Variants in CCDC62 observed in about 807,000 individuals in gnomAD.
The protein encoded by CCDC62 is coiled-coil domain containing 62.
A neutral mutation model predicts 80.8 loss-of-function variants in CCDC62; 72 were observed. The observed-to-expected ratio is 0.89, with a 90% CI of 0.74 to 1.08. CCDC62 has a LOEUF of 1.08. CCDC62 is among the 50% of genes least tolerant of loss of function. CCDC62 has a pLI of 0.00. For synonymous variants in CCDC62, 286 were observed against 296.5 expected (o/e 0.96, Z 0.36); for missense variants, 704 against 809.4 (o/e 0.87, Z 1.58).
At chr12:122,822,138 CTT>C (rs1339057644) in intron 11 of CCDC62, among the ~76,000 whole-genome samples, 3 of 136,448 alleles carry the variant, frequency 2.2e-5, no homozygotes, top group African/African-American at 8.2e-5. Flanking sequence ...GAATGTCACT[CTT>C]GTCACCAAGC....
Position 122,801,118 on chromosome 12 carries a change from C to G in CCDC62, c.978-6C>G, listed in dbSNP as rs1255883916. 1 of 1,599,552 alleles carries G rather than the reference C, an allele frequency of 6.3e-7. No individual in the cohort carries two copies. Among genetic ancestry groups the G allele is most frequent in the Non-Finnish European group, 8.5e-7 (1 of 1,175,392 alleles). On this transcript the variant is annotated splice_region_variant and splice_polypyrimidine_tract_variant and intron_variant, in intron 8 of 12. Coordinates refer to ENST00000253079, the MANE Select transcript of CCDC62 (RefSeq NM_201435.5). ...AACCTCCATTTTTTTTCTAATGCCA[C>G]CATAGCAGAGACATGTGTTTATCAG...
chr12:122,789,295 G>A (rs2030453779), intron 5 of CCDC62, among the ~76,000 whole-genome samples: 1 of 152,204 alleles, frequency 6.6e-6, no homozygotes, highest in Admixed American at 6.5e-5. Context: ...TTGGCTGACT[G>A]TGGTTGGGCC....
Position 122,797,352 on chromosome 12 carries a change from C to A in CCDC62, c.818C>A (p.Ser273Ter). ...RKDELLNIAKSKQERTNSELH... is the reference protein window; with the variant it reads ...RKDELLNIAK The stretch of plus-strand genomic sequence containing the variant: ...GATGAATTGCTTAATATTGCGAAGT[C>A]AAAGCAAGAACGCACAAATTCAGAA... Residue 273 changes from serine (S) to a stop codon, truncating the protein, a stop_gained, in exon 7 of 13, where the codon TCA becomes TAA. Coordinates refer to ENST00000253079, the MANE Select transcript of CCDC62 (RefSeq NM_201435.5). LOFTEE classifies it high-confidence loss of function. The A allele has an allele frequency of 6.2e-7, 1 of 1,601,070 alleles. No individual in the cohort carries two copies. Among genetic ancestry groups the A allele is most frequent in the South Asian group, 1.1e-5 (1 of 90,712 alleles).
At chr12:122,784,258 C>T (rs1366796134) in intron 3 of CCDC62, among the ~76,000 whole-genome samples, 2 of 152,182 alleles carry the variant, frequency 1.3e-5, no homozygotes, top group African/African-American at 2.4e-5. Flanking sequence ...CGCGGTGGCT[C>T]ATGCCTGTAA....
intron 12 of CCDC62, among the ~76,000 whole-genome samples, chr12:122,824,370 T>G (rs2032525595): frequency 6.6e-6 from 1 of 151,872 alleles, no homozygotes; most frequent in Non-Finnish European, 1.5e-5. Flanking sequence ...TAGCCAAGAT[T>G]GCACCATTGC....
chr12:122,810,701 C>G (rs564635077), intron 10 of CCDC62, among the ~76,000 whole-genome samples: 32 of 152,244 alleles, frequency 2.1e-4, no homozygotes, highest in African/African-American at 7.0e-4. Flanking sequence ...AATCATGCTG[C>G]TATAAAGACA....
intron 10 of CCDC62, among the ~76,000 whole-genome samples, chr12:122,812,786 A>AGAAAGAAAGAAC (rs1491395686): frequency 8.8e-6 from 1 of 113,558 alleles, no homozygotes; most frequent in Non-Finnish European, 1.8e-5. Context: ...AGAGAAAGAA[A>AGAAAGAAAGAAC]GAAAGAAAGA....
chr12:122,823,570 T>A, intron 12 of CCDC62, 111 bp downstream of exon 12: 1 of 618,180 alleles, frequency 1.6e-6, no homozygotes, highest in Admixed American at 2.6e-5. Context: ...CTTGTAATAC[T>A]TTCTCTTTTG....
chr12:122,776,225 A>G (rs1879446554), intron 1 of CCDC62, among the ~76,000 whole-genome samples: 1 of 152,224 alleles, frequency 6.6e-6, no homozygotes, highest in African/African-American at 2.4e-5. Flanking sequence ...AGGTGAGGAA[A>G]CTAATGCTTA....
chr12:122,778,662 T>C (rs1347687893), intron 2 of CCDC62, among the ~76,000 whole-genome samples: 2 of 152,096 alleles, frequency 1.3e-5, no homozygotes, highest in Non-Finnish European at 2.9e-5. Flanking sequence ...GGCGGATCAC[T>C]TGAGGTCAGG....
chr12:122,820,061 CAA>C (rs34620795), intron 11 of CCDC62, among the ~76,000 whole-genome samples: 3 of 58,112 alleles, frequency 5.2e-5, no homozygotes, highest in Non-Finnish European at 8.5e-5. Flanking sequence ...GATCCTGTCT[CAA>C]AAAAAAAAAA....
At position 122,813,332 on chromosome 12, in the gene CCDC62, G is replaced by C; in HGVS notation, c.1914G>C (p.Leu638=). 1 of 1,614,002 alleles carries C rather than the reference G, an allele frequency of 6.2e-7. No homozygotes were observed. The highest frequency in any genetic ancestry group is 8.5e-7 in the Non-Finnish European group (1 of 1,179,956). The stretch of plus-strand genomic sequence containing the variant: ...CCACGAGCAAGCTCCAGCGTTTGCT[G>C]GCGGAATCTCGTCAGATGGTGACGG... The part of the protein sequence containing the change: ...FSPTSKLQRL[L]AESRQMVTDL... The change falls in exon 11 of 13, where the codon CTG becomes CTC. Residue 638 remains leucine, a synonymous_variant. Transcript: ENST00000253079.
chr12:122,799,062 A>G (rs1353451031), intron 8 of CCDC62, among the ~76,000 whole-genome samples: 2 of 152,214 alleles, frequency 1.3e-5, no homozygotes, highest in Non-Finnish European at 2.9e-5. Context: ...CCTGGGTGAC[A>G]GAGTGAGACT....
chr12:122,788,924 T>C lies in CCDC62; in HGVS notation c.665T>C (p.Leu222Pro), dbSNP rs777073101. 1 of 1,590,654 alleles carries C rather than the reference T, an allele frequency of 6.3e-7. No individual in the cohort carries two copies. Among genetic ancestry groups the C allele is most frequent in the Non-Finnish European group, 8.5e-7 (1 of 1,173,036 alleles). The change falls in exon 5 of 13, where the codon CTA becomes CCA. Residue 222 changes from leucine (L) to proline (P), a missense_variant. Physicochemically the swap from Leu to Pro is moderately conservative, Grantham distance 98 (BLOSUM62 -3). Transcript: ENST00000253079. ...GCACTTAAGATTGAAGTCAACAAAC[T>C]AAAAGGTAAGGAAGAGACCTACATT... ...LKALKIEVNK[L>P]KEDLNEKTTE...
chr12:122,781,933 AC>A (rs1216734291), intron 3 of CCDC62, among the ~76,000 whole-genome samples: 1 of 151,058 alleles, frequency 6.6e-6, no homozygotes, highest in Non-Finnish European at 1.5e-5. Context: ...GGTCCCAGCT[AC>A]TTGGGAGGCT....
chr12:122,825,714 G>C (rs1408199951), intron 12 of CCDC62, among the ~76,000 whole-genome samples: 17 of 150,428 alleles, frequency 1.1e-4, no homozygotes, highest in Non-Finnish European at 5.9e-5. Flanking sequence ...AGCTGGGCGC[G>C]GTGGCTCACA....
At chr12:122,780,489 C>T (rs1879781185) in intron 2 of CCDC62, among the ~76,000 whole-genome samples, 1 of 151,582 alleles carries the variant, frequency 6.6e-6, no homozygotes, top group South Asian at 2.1e-4. Context: ...TGGCAGGCAC[C>T]TGTAGTCCCA....
chr12:122,793,685 G>A (rs1176889453), intron 6 of CCDC62, among the ~76,000 whole-genome samples: 1 of 152,022 alleles, frequency 6.6e-6, no homozygotes, highest in Non-Finnish European at 1.5e-5. Context: ...TAGCTCCTGG[G>A]ATCAAGCGAT....
intron 10 of CCDC62, among the ~76,000 whole-genome samples, chr12:122,807,579 G>A (rs1170131331): frequency 2.8e-5 from 4 of 143,102 alleles, no homozygotes; most frequent in African/African-American, 7.7e-5. Context: ...GATTTACCAA[G>A]ATACCAGGGT....
Sources: gnomAD v4.1 joint callset for allele counts (sites outside exome capture counted in the v4.1 genomes callset) on GRCh38, gnomAD v4.1.1 for gene constraint, MANE v1.5 for transcripts, NCBI Gene and HGNC (gene_info 2026-07-23, HGNC 2026-07-21) for gene names.